Variants in MAP3K13 observed in about 807,000 individuals in gnomAD.
The protein encoded by MAP3K13 is mitogen-activated protein kinase kinase kinase 13, also known as leucine zipper-bearing kinase.
MAP3K13 carries 52 observed loss-of-function variants against 104.0 expected under a neutral mutation model. That is an observed-to-expected ratio of 0.50 (90% confidence interval 0.40 to 0.63). The LOEUF is 0.63. MAP3K13 is among the 20% of genes least tolerant of loss of function. The pLI is 0.00. For missense variants in MAP3K13, 914 were observed against 1,218.5 expected (o/e 0.75, Z 3.72); for synonymous variants, 394 against 442.2 (o/e 0.89, Z 1.37).
chr3:185,313,584 A>T lies in MAP3K13; in HGVS notation c.-86+27941A>T, dbSNP rs537913458. Among the ~76,000 whole-genome samples the T allele has an allele frequency of 3.3e-5, 5 of 152,148 alleles. No homozygotes were observed. The South Asian group carries it at 1.0e-3, about 32-fold the overall frequency. On this transcript the variant is annotated intron_variant, in intron 2 of 14. Coordinates refer to the MAP3K13 transcript ENST00000424227. ...GCACCCTGCCAATAGTACAATTTTT[A>T]TTTGGAGAGGTAAACACCAAATTCA...
chr3:185,421,092 C>A (rs956576303), intron 1 of MAP3K13, among the ~76,000 whole-genome samples: 6 of 152,180 alleles, frequency 3.9e-5, no homozygotes, highest in African/African-American at 1.4e-4. Flanking sequence ...GTTGTAAGGG[C>A]GGCAGTAGCA....
Position 185,465,835 on chromosome 3 carries a change from C to G in MAP3K13, c.1477C>G (p.Leu493Val). The G allele has an allele frequency of 6.2e-7, 1 of 1,613,880 alleles. No homozygotes were observed. Among genetic ancestry groups the G allele is most frequent in the Non-Finnish European group, 8.5e-7 (1 of 1,179,782 alleles). Residue 493 changes from leucine to valine, a missense_variant, in exon 9 of 14, where the codon CTA becomes GTA. Transcript: ENST00000265026. ...YMELSAIMLQ[L>V]EMREKELIKR... ...GGAATTGAGTGCCATCATGCTGCAG[C>G]TAGAAATGCGGGAGAAGGAGCTCAT...
At chr3:185,443,390 A>G (rs2148892625) in intron 3 of MAP3K13, 55 bp from the exon 4 acceptor site, 1 of 1,174,384 alleles carries the variant, frequency 8.5e-7, no homozygotes, top group African/African-American at 1.5e-5. Flanking sequence ...CTTTAAATAT[A>G]CATATGTATA....
intron 1 of MAP3K13, among the ~76,000 whole-genome samples, chr3:185,382,950 C>T (rs989911751): frequency 4.6e-5 from 7 of 151,530 alleles, no homozygotes; most frequent in Middle Eastern, 3.2e-3. Flanking sequence ...CATGCTGGTG[C>T]GCTGCACCCA....
At chr3:185,343,716 G>T (rs556685111) in intron 2 of MAP3K13, among the ~76,000 whole-genome samples, 1 of 152,294 alleles carries the variant, frequency 6.6e-6, no homozygotes, top group African/African-American at 2.4e-5. Flanking sequence ...CTCCCAAAGT[G>T]CTGGGATTAC....
At chr3:185,327,785 G>A (rs113116578) in intron 2 of MAP3K13, among the ~76,000 whole-genome samples, 2 of 152,086 alleles carry the variant, frequency 1.3e-5, no homozygotes, top group South Asian at 2.1e-4. Flanking sequence ...GGTGGCGGGC[G>A]TCTGTAGTCT....
intron 1 of MAP3K13, among the ~76,000 whole-genome samples, chr3:185,284,877 G>A (rs1485755249): frequency 1.3e-5 from 2 of 152,102 alleles, no homozygotes; most frequent in Non-Finnish European, 2.9e-5. Flanking sequence ...TGAGACTGTC[G>A]TCAGGCTATG....
chr3:185,411,414 G>A (rs535160091), intron 1 of MAP3K13, among the ~76,000 whole-genome samples: 2 of 152,264 alleles, frequency 1.3e-5, no homozygotes, highest in South Asian at 4.1e-4. Context: ...TTGGGCACAT[G>A]GTTTCCAAGC....
chr3:185,428,430 A>G, intron 1 of MAP3K13, 67 bp from the exon 2 acceptor site: 1 of 1,034,906 alleles, frequency 9.7e-7, no homozygotes, highest in East Asian at 2.7e-5. Context: ...TTTTAATGCA[A>G]ACAGAAGTGT....
At chr3:185,443,666 T>G (rs1165179985) in intron 4 of MAP3K13, 30 bp downstream of exon 4, 2 of 1,596,148 alleles carry the variant, frequency 1.3e-6, no homozygotes, top group Admixed American at 3.4e-5. Context: ...TTTCAGCTAT[T>G]TTGGTTTGTT....
rs1343853853 is a variant in MAP3K13, at chr3:185,482,490, A to G, written c.*34A>G. The G allele has an allele frequency of 1.3e-6, 2 of 1,509,218 alleles. No homozygotes were observed. Among genetic ancestry groups the G allele is most frequent in the Admixed American group, 3.3e-5 (2 of 59,792 alleles). 93.5% of individuals were successfully genotyped at this position (1,509,218 alleles called of 1,614,324 possible). ...TACACATCCTGAAGATCTCGTGACT[A>G]TACTGGCATTTCAGATCCACCCCAC... On this transcript the variant is annotated 3_prime_UTR_variant, in exon 14 of 14. Transcript: ENST00000265026. This position sits in a 1 kb window ranked among gnomAD's most constrained non-coding sequence, Gnocchi z 4.5.
At chr3:185,472,204 T>TC (rs1317686005) in intron 10 of MAP3K13, among the ~76,000 whole-genome samples, 1 of 149,552 alleles carries the variant, frequency 6.7e-6, no homozygotes, top group Non-Finnish European at 1.5e-5. Context: ...CATCCCTTCT[T>TC]CTTTTTTTTT....
intron 12 of MAP3K13, 32 bp from the exon 13 acceptor site, chr3:185,480,200 G>A: frequency 1.9e-6 from 3 of 1,598,880 alleles, no homozygotes; most frequent in Non-Finnish European, 2.6e-6. Context: ...TTGTTCCTCT[G>A]ACTAAGTTCT....
chr3:185,314,975 A>G (rs995547154), intron 2 of MAP3K13, among the ~76,000 whole-genome samples: 1 of 151,310 alleles, frequency 6.6e-6, no homozygotes, highest in Non-Finnish European at 1.5e-5. Context: ...CATGTTGGCC[A>G]GGTGCGGTGG....
chr3:185,309,026 T>C (rs1721402571), intron 2 of MAP3K13, among the ~76,000 whole-genome samples: 1 of 152,160 alleles, frequency 6.6e-6, no homozygotes, highest in Non-Finnish European at 1.5e-5. Context: ...TGTTTTCTCT[T>C]CTTATAAGGA....
chr3:185,374,356 G>C (rs976987622), intron 1 of MAP3K13, among the ~76,000 whole-genome samples: 2 of 152,152 alleles, frequency 1.3e-5, no homozygotes, highest in East Asian at 1.9e-4. Flanking sequence ...GTGCTGCTTC[G>C]AGCGGGATTA....
At chr3:185,466,540 C>A (rs897317468) in intron 9 of MAP3K13, among the ~76,000 whole-genome samples, 2 of 151,874 alleles carry the variant, frequency 1.3e-5, no homozygotes, top group African/African-American at 4.8e-5. Flanking sequence ...CCATGCCCAG[C>A]TAATTTTTGT....
chr3:185,458,765 G>A (rs1716919112), intron 7 of MAP3K13, among the ~76,000 whole-genome samples: 1 of 152,330 alleles, frequency 6.6e-6, no homozygotes, highest in Admixed American at 6.5e-5. Flanking sequence ...GTCAAGAGGT[G>A]CTGCCAAGAG....
At chr3:185,443,796 C>A in intron 4 of MAP3K13, 160 bp downstream of exon 4, 1 of 607,918 alleles carries the variant, frequency 1.6e-6, no homozygotes, top group Non-Finnish European at 2.9e-6. Context: ...TTATTGTTGA[C>A]CTACCTGGTT....
Sources: gnomAD v4.1 joint callset for allele counts (sites outside exome capture counted in the v4.1 genomes callset) on GRCh38, gnomAD v4.1.1 for gene constraint, Gnocchi (gnomAD v3.1) non-coding constraint, MANE v1.5 for transcripts, NCBI Gene and HGNC (gene_info 2026-07-23, HGNC 2026-07-21) for gene names.